Variants in TRAPPC9 observed in about 807,000 individuals in gnomAD.
TRAPPC9 encodes trafficking protein particle complex subunit 9, also known as IKK2 binding protein.
TRAPPC9 carries 83 observed loss-of-function variants against 124.0 expected under a neutral mutation model. The ratio of observed to expected loss-of-function variants is 0.67; its 90% CI spans 0.56 to 0.80. TRAPPC9 has a LOEUF of 0.80. TRAPPC9 is among the 30% of genes least tolerant of loss of function. The pLI is 0.00. For synonymous variants in TRAPPC9, 638 were observed against 617.5 expected (o/e 1.03, Z -0.49); for missense variants, 1,302 against 1,508.3 (o/e 0.86, Z 2.27).
At chr8:140,227,530 T>G (rs1195425890) in intron 16 of TRAPPC9, among the ~76,000 whole-genome samples, 1 of 152,218 alleles carries the variant, frequency 6.6e-6, no homozygotes, top group East Asian at 1.9e-4. Flanking sequence ...AGTGCTCAAC[T>G]TTTCTATTAA....
intron 8 of TRAPPC9, among the ~76,000 whole-genome samples, chr8:140,367,635 T>G (rs1480261292): frequency 6.6e-6 from 1 of 152,134 alleles, no homozygotes; most frequent in Non-Finnish European, 1.5e-5. Context: ...CTTCTCTGTA[T>G]GATATCATAA....
At chr8:140,238,186 A>G (rs1260989203) in intron 16 of TRAPPC9, among the ~76,000 whole-genome samples, 3 of 152,218 alleles carry the variant, frequency 2.0e-5, no homozygotes. Context: ...GCTGCCTGCA[A>G]TGGGGATCAC....
rs890876165 is a variant in TRAPPC9, at chr8:139,788,470, C to T, written c.3056-56268G>A. On this transcript the variant is annotated intron_variant, in intron 21 of 22. Coordinates refer to ENST00000438773, the MANE Select transcript of TRAPPC9 (RefSeq NM_001160372.4). The surrounding 1 kb of genome is among the most constrained non-coding windows in gnomAD (Gnocchi z 4.9). ...GAGCTGCGGAGGATCCCAGCCTGGC[C>T]CTTCCTGGTGCCAGCACCCTCCAGG... 6.6e-6 allele frequency among the ~76,000 whole-genome samples: 1 copy of T among 152,194 alleles called. No homozygotes were observed. Among genetic ancestry groups the T allele is most frequent in the African/African-American group, 2.4e-5 (1 of 41,446 alleles).
intron 4 of TRAPPC9, 39 bp from the exon 5 acceptor site, chr8:140,426,680 A>C (rs937931785): frequency 2.5e-6 from 4 of 1,593,772 alleles, no homozygotes; most frequent in Non-Finnish European, 3.4e-6. Flanking sequence ...TATTTGGAAA[A>C]CAAAACTACT....
intron 16 of TRAPPC9, among the ~76,000 whole-genome samples, chr8:140,230,590 C>A (rs1039112236): frequency 2.0e-5 from 3 of 150,916 alleles, no homozygotes; most frequent in Non-Finnish European, 4.4e-5. Flanking sequence ...CCAGTCTGGA[C>A]GACAGAGTGA....
At position 139,901,391 on chromosome 8, in the gene TRAPPC9, C is replaced by T. The variant is rs535829157; in HGVS notation, c.2964+8756G>A. Among the ~76,000 whole-genome samples the T allele has an allele frequency of 5.6e-4, 85 of 152,346 alleles. No individual in the cohort carries two copies. In the Middle Eastern group the frequency reaches 0.01, roughly 18 times the overall value. ...TGCCATGACTTTGTTTTCTAATTTG[C>T]ATCATGAACTTTCAGAATGCTGATG... On this transcript the variant is annotated intron_variant, in intron 20 of 22. Coordinates refer to ENST00000438773, the MANE Select transcript of TRAPPC9 (RefSeq NM_001160372.4).
intron 15 of TRAPPC9, among the ~76,000 whole-genome samples, chr8:140,265,335 G>A (rs1015594018): frequency 1.3e-5 from 2 of 152,190 alleles, no homozygotes; most frequent in African/African-American, 2.4e-5. Flanking sequence ...TAAGAGTGAC[G>A]TATTCAAATA....
intron 20 of TRAPPC9, among the ~76,000 whole-genome samples, chr8:139,903,944 A>G (rs1433027613): frequency 1.3e-5 from 2 of 152,168 alleles, no homozygotes; most frequent in East Asian, 3.8e-4. Context: ...CAGGAGGCGG[A>G]GGTTGCAGTG....
chr8:140,006,191 A>G (rs1838734692), intron 18 of TRAPPC9, among the ~76,000 whole-genome samples: 1 of 152,212 alleles, frequency 6.6e-6, no homozygotes, highest in African/African-American at 2.4e-5. Context: ...CTGAAAAGCA[A>G]CCCAGTCTTT....
intron 21 of TRAPPC9, among the ~76,000 whole-genome samples, chr8:139,801,957 C>G (rs979337087): frequency 6.6e-6 from 1 of 152,164 alleles, no homozygotes; most frequent in African/African-American, 2.4e-5. Context: ...GGTTCCTGGA[C>G]CTCTCCTGGG....
rs1235066398 is a variant in TRAPPC9, at chr8:139,742,002, G to A, written c.3056-9800C>T. ...CACATTTATGGAGAAGATTTTGTGT[G>A]GACACAGGTTATTATTTCTCATGGG... On this transcript the variant is annotated intron_variant, in intron 21 of 22. Transcript: ENST00000438773. The surrounding 1 kb of genome is among the most constrained non-coding windows in gnomAD (Gnocchi z 4.7). 6.6e-6 allele frequency among the ~76,000 whole-genome samples: 1 copy of A among 152,196 alleles called. No individual in the cohort carries two copies. Among genetic ancestry groups the A allele is most frequent in the Non-Finnish European group, 1.5e-5 (1 of 68,042 alleles).
intron 17 of TRAPPC9, among the ~76,000 whole-genome samples, chr8:140,170,408 C>T (rs544187172): frequency 2.0e-5 from 3 of 152,360 alleles, no homozygotes; most frequent in East Asian, 1.9e-4. Flanking sequence ...AGAGCCCCAA[C>T]AGGAAGCCAG....
At chr8:139,805,304 C>T (rs112066944) in intron 21 of TRAPPC9, among the ~76,000 whole-genome samples, 1 of 152,172 alleles carries the variant, frequency 6.6e-6, no homozygotes, top group African/African-American at 2.4e-5. Flanking sequence ...TCTGAAAACT[C>T]CAGGCCATGC....
intron 17 of TRAPPC9, among the ~76,000 whole-genome samples, chr8:140,083,355 A>G (rs188769395): frequency 6.6e-6 from 1 of 152,378 alleles, no homozygotes; most frequent in East Asian, 1.9e-4. Flanking sequence ...AAAAATATTC[A>G]GAATATTCTG....
At chr8:140,446,268 T>C (rs2071249967) in intron 2 of TRAPPC9, among the ~76,000 whole-genome samples, 1 of 129,204 alleles carries the variant, frequency 7.7e-6, no homozygotes, top group South Asian at 2.5e-4. Flanking sequence ...CACTCCAGCC[T>C]GGGCGAAAGA....
At chr8:140,118,245 C>G (rs541586783) in intron 17 of TRAPPC9, among the ~76,000 whole-genome samples, 1 of 152,218 alleles carries the variant, frequency 6.6e-6, no homozygotes, top group Non-Finnish European at 1.5e-5. Context: ...GGGAACCAGA[C>G]AGGAAGTTCA....
At chr8:140,189,403 C>A (rs2062429737) in intron 17 of TRAPPC9, among the ~76,000 whole-genome samples, 1 of 152,216 alleles carries the variant, frequency 6.6e-6, no homozygotes, top group Non-Finnish European at 1.5e-5. Flanking sequence ...CTGGGAAAAA[C>A]TAGCGACCCA....
intron 17 of TRAPPC9, among the ~76,000 whole-genome samples, chr8:140,121,791 G>A (rs1185156861): frequency 1.1e-4 from 17 of 152,162 alleles, no homozygotes; most frequent in Non-Finnish European, 1.3e-4. Context: ...AGGGGTGAAA[G>A]TGATAAATAC....
intron 21 of TRAPPC9, among the ~76,000 whole-genome samples, chr8:139,841,151 C>T (rs1826703015): frequency 6.6e-6 from 1 of 152,172 alleles, no homozygotes; most frequent in African/African-American, 2.4e-5. Flanking sequence ...TTTCCCACAT[C>T]CCCTCGCCCC....
Sources: gnomAD v4.1 joint callset for allele counts (sites outside exome capture counted in the v4.1 genomes callset) on GRCh38, gnomAD v4.1.1 for gene constraint, Gnocchi (gnomAD v3.1) non-coding constraint, MANE v1.5 for transcripts, NCBI Gene and HGNC (gene_info 2026-07-23, HGNC 2026-07-21) for gene names.